Variants in ANK1 observed in about 807,000 individuals in gnomAD.
ANK1 encodes the protein ankyrin-1.
ANK1 carries 51 observed loss-of-function variants against 210.4 expected under a neutral mutation model. The ratio of observed to expected loss-of-function variants is 0.24; its 90% CI spans 0.19 to 0.31. ANK1 has a LOEUF of 0.31. Among genes scored for constraint, ANK1 ranks in the 10% least tolerant of loss-of-function variants. The pLI is 1.00. For synonymous variants in ANK1, 967 were observed against 1,025.9 expected, an observed-to-expected ratio of 0.94 and a Z score of 1.10; for missense variants, 2,051 against 2,504.4, an observed-to-expected ratio of 0.82 and a Z score of 3.86.
chr8:41,690,195 G>A (rs767571577), intron 33 of ANK1, 32 bp downstream of exon 33: 33 of 1,613,830 alleles, frequency 2.0e-5, no homozygotes, highest in Middle Eastern at 1.7e-4. Flanking sequence ...AAGCCGTCTC[G>A]GGCCAAGGCT....
At chr8:41,803,034 AAAG>A (rs1850245017) in intron 1 of ANK1, among the ~76,000 whole-genome samples, 1 of 94,624 alleles carries the variant, frequency 1.1e-5, no homozygotes, top group East Asian at 2.2e-4. Context: ...AGAAAGAAAG[AAAG>A]AAAGAGAAAG....
At chr8:41,708,633 G>A in intron 17 of ANK1, 145 bp downstream of exon 17, 1 of 934,544 alleles carries the variant, frequency 1.1e-6, no homozygotes, top group Non-Finnish European at 1.7e-6. Context: ...TTTATAAAAT[G>A]AAGGTGAAAT....
chr8:41,874,793 T>C (rs1816250782), intron 1 of ANK1, among the ~76,000 whole-genome samples: 1 of 152,218 alleles, frequency 6.6e-6, no homozygotes, highest in African/African-American at 2.4e-5. Context: ...TGCTTCTCCT[T>C]CATGGTCATT....
rs143374235 is a variant in ANK1, at chr8:41,693,778, C to G, written c.3532+120G>C. 4.5e-5 allele frequency: 52 copies of G among 1,159,652 alleles called. No individual in the cohort carries two copies. The African/African-American group carries it at 6.9e-4, about 15-fold the overall frequency. The allele number at this position is 1,159,652 out of a possible 1,614,324, so 71.8% of individuals were successfully genotyped here. A position where few individuals can be genotyped will look rare whatever the true frequency, so the allele number is the denominator to read the frequency against. On this transcript the variant is annotated intron_variant, in intron 29 of 42. Coordinates refer to ENST00000289734, the MANE Select transcript of ANK1 (RefSeq NM_000037.4). ...CATCTCTTGGAAGAGCACCTCACTC[C>G]CGGGGAAGTCAACAAAAACTAAGGG... is the stretch of plus-strand genomic sequence containing the variant.
intron 1 of ANK1, among the ~76,000 whole-genome samples, chr8:41,775,219 G>A (rs1776141227): frequency 6.6e-6 from 1 of 152,182 alleles, no homozygotes; most frequent in Admixed American, 6.5e-5. Flanking sequence ...ATGCAACTTT[G>A]CCTGATATAA....
At chr8:41,749,073 A>T (rs1836984946) in intron 2 of ANK1, among the ~76,000 whole-genome samples, 1 of 152,084 alleles carries the variant, frequency 6.6e-6, no homozygotes, top group Non-Finnish European at 1.5e-5. Context: ...TTACACGGAC[A>T]AAAACATCTC....
chr8:41,674,748 G>T (rs564343338), intron 37 of ANK1, among the ~76,000 whole-genome samples: 1 of 152,218 alleles, frequency 6.6e-6, no homozygotes, highest in Admixed American at 6.5e-5. Flanking sequence ...CCAAATGAGC[G>T]GGGAGGATGA....
intron 1 of ANK1, among the ~76,000 whole-genome samples, chr8:41,867,551 C>T (rs561862758): frequency 6.6e-6 from 1 of 152,282 alleles, no homozygotes; most frequent in Admixed American, 6.5e-5. Context: ...AGAGTCAAGC[C>T]CTGTTCCCTG....
At chr8:41,862,498 G>C (rs1434086210) in intron 1 of ANK1, among the ~76,000 whole-genome samples, 1 of 152,078 alleles carries the variant, frequency 6.6e-6, no homozygotes, top group East Asian at 1.9e-4. Context: ...GCACCTATTT[G>C]ATGGGGGAAA....
chr8:41,890,579 C>T (rs1819223180), intron 1 of ANK1, among the ~76,000 whole-genome samples: 2 of 151,948 alleles, frequency 1.3e-5, no homozygotes, highest in South Asian at 2.1e-4. Context: ...CATGGTGACA[C>T]GCGCCTGTAG....
At chr8:41,713,155 C>G (rs538316975) in intron 16 of ANK1, among the ~76,000 whole-genome samples, 21 of 152,352 alleles carry the variant, frequency 1.4e-4, no homozygotes, top group African/African-American at 4.6e-4. Flanking sequence ...GGTCCCACCC[C>G]GAGGCTCCTT....
At chr8:41,833,116 G>A (rs1806983599) in intron 1 of ANK1, among the ~76,000 whole-genome samples, 1 of 152,204 alleles carries the variant, frequency 6.6e-6, no homozygotes, top group South Asian at 2.1e-4. Flanking sequence ...AGGCACACCA[G>A]CCTGAGCACC....
intron 17 of ANK1, among the ~76,000 whole-genome samples, chr8:41,708,289 C>T (rs1046145386): frequency 1.1e-4 from 16 of 152,304 alleles, no homozygotes; most frequent in Middle Eastern, 3.4e-3. Flanking sequence ...ACTGCTCACG[C>T]GCGCTTCCTC....
intron 2 of ANK1, among the ~76,000 whole-genome samples, chr8:41,748,142 G>A (rs915013074): frequency 2.0e-5 from 3 of 152,212 alleles, no homozygotes; most frequent in Non-Finnish European, 4.4e-5. Context: ...GGGGCACCTA[G>A]CTGCATATCT....
intron 37 of ANK1, among the ~76,000 whole-genome samples, chr8:41,682,872 G>C (rs747979164): frequency 1.3e-5 from 2 of 152,206 alleles, no homozygotes; most frequent in African/African-American, 4.8e-5. Flanking sequence ...TTTGTCACTA[G>C]AATTTCCCCA....
intron 17 of ANK1, among the ~76,000 whole-genome samples, chr8:41,707,806 G>A (rs1825025390): frequency 6.6e-6 from 1 of 152,132 alleles, no homozygotes; most frequent in South Asian, 2.1e-4. Context: ...GCCAGATTTT[G>A]TACAAAATGT....
At chr8:41,761,228 T>G (rs1840347586) in intron 1 of ANK1, among the ~76,000 whole-genome samples, 1 of 146,850 alleles carries the variant, frequency 6.8e-6, no homozygotes, top group South Asian at 2.2e-4. Flanking sequence ...CACAGATGTG[T>G]GCACACAAAT....
chr8:41,825,970 T>A (rs1331615412), intron 1 of ANK1, among the ~76,000 whole-genome samples: 1 of 152,158 alleles, frequency 6.6e-6, no homozygotes, highest in Non-Finnish European at 1.5e-5. Flanking sequence ...AATTACCCAG[T>A]CTCGGGTATG....
chr8:41,740,921 G>A (rs539151907), intron 2 of ANK1, among the ~76,000 whole-genome samples: 2 of 152,344 alleles, frequency 1.3e-5, no homozygotes, highest in South Asian at 2.1e-4. Context: ...TTACAGGTAG[G>A]CTGGGCTGGC....
Sources: allele counts gnomAD v4.1 joint callset (sites outside exome capture counted in the v4.1 genomes callset), GRCh38; gene constraint gnomAD v4.1.1; transcripts MANE v1.5; gene names NCBI Gene and HGNC (gene_info 2026-07-23, HGNC 2026-07-21).